The following ATP11B variants were observed in gnomAD, a reference collection of about 807,000 sequenced individuals.
ATP11B encodes the protein ATPase phospholipid transporting 11B (putative).
In ATP11B, 81 loss-of-function variants were observed where a neutral mutation model predicts 157.8. That is an observed-to-expected ratio of 0.51 (90% CI 0.43 to 0.62). ATP11B has a LOEUF of 0.62. Ranked by LOEUF, ATP11B falls within the 20% of genes least tolerant of loss-of-function variation. The pLI, the probability that ATP11B is intolerant of heterozygous loss-of-function variation, is 0.00. For missense variants in ATP11B, 1,165 were observed against 1,402.2 expected (o/e 0.83, Z 2.70); for synonymous variants, 451 against 469.4 (o/e 0.96, Z 0.51).
At chr3:182,841,977 CAAAAAAAAAAA>C (rs11401208) in intron 7 of ATP11B, 87 bp from the exon 8 acceptor site, 8 of 362,630 alleles carry the variant, frequency 2.2e-5, no homozygotes, top group African/African-American at 8.0e-5. Flanking sequence ...AGACTCGTCT[CAAAAAAAAAAA>C]AAAAAAAAAC....
chr3:182,830,554 G>C (rs188530767), intron 4 of ATP11B, among the ~76,000 whole-genome samples: 4 of 152,246 alleles, frequency 2.6e-5, no homozygotes, highest in Non-Finnish European at 5.9e-5. Context: ...TCTTGGCAGG[G>C]TTTCAGTTAT....
chr3:182,893,097 G>C (rs1174738370), intron 25 of ATP11B, among the ~76,000 whole-genome samples: 1 of 152,156 alleles, frequency 6.6e-6, no homozygotes, highest in African/African-American at 2.4e-5. Flanking sequence ...TAATACAGTA[G>C]TATTGTCTTA....
At position 182,803,175 on chromosome 3, in the gene ATP11B, TTTTCTAAAACAGAGTTCTCC is replaced by T. The variant is rs1442313219; in HGVS notation, c.27+9394_27+9413del. Among the ~76,000 whole-genome samples, 13 of 152,314 alleles carry T rather than the reference TTTTCTAAAACAGAGTTCTCC, an allele frequency of 8.5e-5. No homozygotes were observed. In the East Asian group the frequency reaches 2.5e-3, roughly 29 times the overall value. On this transcript the variant is annotated intron_variant, in intron 1 of 29. Transcript: ENST00000323116. ...ACTGTTACTAAATATTGCCAAAGTATTTTCTAAAACAGAGTTCTCCTTTCCCTACATCTTGCTCAACACTT... is the reference window on the plus strand; with the variant it reads ...ACTGTTACTAAATATTGCCAAAGTATTTTCCCTACATCTTGCTCAACACTT...
chr3:182,912,536 G>GT (rs1403466592), intron 28 of ATP11B, among the ~76,000 whole-genome samples: 1 of 151,494 alleles, frequency 6.6e-6, no homozygotes, highest in Admixed American at 6.6e-5. Context: ...CAAGAGTATT[G>GT]TAACGAAAGA....
chr3:182,845,402 A>G, intron 8 of ATP11B, 56 bp from the exon 9 acceptor site: 1 of 1,432,784 alleles, frequency 7.0e-7, no homozygotes, highest in Non-Finnish European at 9.5e-7. Context: ...GCCATTTCAG[A>G]ATTGAAGAGT....
chr3:182,905,954 C>T (rs982991891), intron 28 of ATP11B: 5 of 446,018 alleles, frequency 1.1e-5, no homozygotes, highest in African/African-American at 6.0e-5. Flanking sequence ...GGCACTCATC[C>T]GCTAAGTTCT....
At chr3:182,825,438 G>A (rs950668892) in intron 2 of ATP11B, among the ~76,000 whole-genome samples, 2 of 151,974 alleles carry the variant, frequency 1.3e-5, no homozygotes, top group Admixed American at 6.6e-5. Flanking sequence ...ACTTTCTTTG[G>A]CCATGTGTAG....
intron 1 of ATP11B, among the ~76,000 whole-genome samples, chr3:182,818,582 T>A (rs769388844): frequency 1.3e-5 from 2 of 152,236 alleles, no homozygotes; most frequent in African/African-American, 4.8e-5. Flanking sequence ...TACAGTCCTG[T>A]ACTAGCTGTT....
chr3:182,885,132 C>T (rs532322971), intron 22 of ATP11B, among the ~76,000 whole-genome samples: 1 of 152,168 alleles, frequency 6.6e-6, no homozygotes, highest in Admixed American at 6.5e-5. Context: ...GTTATTTTGT[C>T]CTGAACCAGC....
chr3:182,848,261 C>T (rs1719693044), intron 9 of ATP11B, among the ~76,000 whole-genome samples: 1 of 152,202 alleles, frequency 6.6e-6, no homozygotes, highest in Non-Finnish European at 1.5e-5. Context: ...AGGAACAGGA[C>T]TCCATGCCCT....
chr3:182,837,075 A>T lies in ATP11B; in HGVS notation c.557A>T (p.His186Leu), dbSNP rs777208200. The change falls in exon 7 of 30, where the codon CAT becomes CTT. Residue 186 changes from histidine (H) to leucine (L), a missense_variant. Physicochemically the swap from His to Leu is moderately conservative, Grantham distance 99. Coordinates refer to ENST00000323116, the MANE Select transcript of ATP11B (RefSeq NM_014616.3). ...AGTTTAATTCATTTTTTTCAGACAC[A>T]TGTGGCAGTTCCAGAAACAGCATTA... ...SLDGETNLKT[H>L]VAVPETALLQ... The T allele has an allele frequency of 6.2e-7, 1 of 1,611,544 alleles. No individual in the cohort carries two copies. Among genetic ancestry groups the T allele is most frequent in the East Asian group, 2.2e-5 (1 of 44,814 alleles).
Position 182,911,276 on chromosome 3 carries a change from C to CCCCCG in ATP11B, c.3319-2583_3319-2579dup, listed in dbSNP as rs1553826114. Among the ~76,000 whole-genome samples the CCCCCG allele has an allele frequency of 5.9e-4, 73 of 123,294 alleles. 2 individuals are homozygous for CCCCCG. The highest frequency in any genetic ancestry group is 1.9e-3 in the African/African-American group (60 of 31,052). 80.9% of individuals were successfully genotyped at this position (123,294 alleles called of 152,430 possible). ...CCATCTCCTGCTATTGAAATGCCCC[C>CCCCCG]CCCCGCTAAGTCCTTTAAGATGTAT... On this transcript the variant is annotated intron_variant, in intron 28 of 29. Transcript: ENST00000323116.
Position 182,793,788 on chromosome 3 carries a change from T to C in ATP11B, c.27+2T>C. The C allele has an allele frequency of 7.2e-7, 1 of 1,395,634 alleles. No individual in the cohort carries two copies. The highest frequency in any genetic ancestry group is 9.4e-7 in the Non-Finnish European group (1 of 1,068,006). 86.5% of individuals were successfully genotyped at this position (1,395,634 alleles called of 1,614,324 possible). A position where few individuals can be genotyped will look rare whatever the true frequency, so the allele number is the denominator to read the frequency against. On this transcript the variant is annotated splice_donor_variant, in intron 1 of 29. Transcript: ENST00000323116. LOFTEE classifies it high-confidence loss of function. ...TGGCGCTGGATCCGGCAGCAGCTGG[T>C]AGGTGCCCCCGCCCCTCCACCTCCA...
At chr3:182,885,907 A>G in intron 22 of ATP11B, 44 bp from the exon 23 acceptor site, 2 of 1,339,292 alleles carry the variant, frequency 1.5e-6, no homozygotes, top group South Asian at 1.5e-5. Context: ...TTGTCTTTGA[A>G]ACCTAAATAT....
intron 28 of ATP11B, among the ~76,000 whole-genome samples, chr3:182,905,465 C>T (rs895383298): frequency 2.0e-5 from 3 of 152,106 alleles, no homozygotes; most frequent in Non-Finnish European, 1.5e-5. Flanking sequence ...ATTGGACATA[C>T]CTTTTCAATA....
intron 1 of ATP11B, among the ~76,000 whole-genome samples, chr3:182,813,888 C>G (rs557930491): frequency 1.8e-4 from 28 of 151,782 alleles, no homozygotes; most frequent in African/African-American, 6.5e-4. Context: ...CTACCCCATC[C>G]GGCTAATTTT....
intron 28 of ATP11B, among the ~76,000 whole-genome samples, chr3:182,903,586 A>G (rs1002131589): frequency 2.0e-5 from 3 of 152,212 alleles, no homozygotes; most frequent in Non-Finnish European, 2.9e-5. Context: ...TCAAATTACA[A>G]TGGTGTAATA....
At chr3:182,830,742 G>T (rs943184304) in intron 4 of ATP11B, among the ~76,000 whole-genome samples, 6 of 152,178 alleles carry the variant, frequency 3.9e-5, no homozygotes, top group African/African-American at 1.2e-4. Context: ...GAAAGATAGA[G>T]GAGCCTATAG....
At chr3:182,911,445 G>C (rs540707965) in intron 28 of ATP11B, among the ~76,000 whole-genome samples, 76 of 152,050 alleles carry the variant, frequency 5.0e-4, no homozygotes, top group African/African-American at 1.8e-3. Flanking sequence ...AAAGGGGTTT[G>C]GGCTCTGCAA....
Sources: gnomAD v4.1 joint callset for allele counts (sites outside exome capture counted in the v4.1 genomes callset) on GRCh38, gnomAD v4.1.1 for gene constraint, MANE v1.5 for transcripts, NCBI Gene and HGNC (gene_info 2026-07-23, HGNC 2026-07-21) for gene names.